The following HELZ variants were observed in gnomAD, a reference collection of about 807,000 sequenced individuals.
The protein encoded by HELZ is helicase with zinc finger, also known as ATP-dependent RNA helicase with zinc finger domain.
A neutral mutation model predicts 218.2 loss-of-function variants in HELZ; 23 were observed. That is an observed-to-expected ratio of 0.11 (90% CI 0.08 to 0.15). The LOEUF is 0.15. HELZ is among the 10% of genes least tolerant of loss of function. The pLI is 1.00. For missense variants in HELZ, 1,813 were observed against 2,353.7 expected (o/e 0.77, Z 4.75); for synonymous variants, 814 against 829.4 (o/e 0.98, Z 0.32).
intron 23 of HELZ, among the ~76,000 whole-genome samples, chr17:67,129,725 AC>A (rs2143893921): frequency 6.6e-6 from 1 of 152,298 alleles, no homozygotes; most frequent in East Asian, 1.9e-4. Flanking sequence ...GGAGAACAGT[AC>A]ATTCAAAACT....
At chr17:67,215,642 C>T (rs1598437640) in intron 5 of HELZ, 4 of 464,334 alleles carry the variant, frequency 8.6e-6, no homozygotes, top group South Asian at 4.3e-5. Context: ...CCACCACACC[C>T]GGCCTCACAC....
intron 5 of HELZ, among the ~76,000 whole-genome samples, chr17:67,211,645 G>A (rs1204878153): frequency 6.6e-5 from 10 of 152,184 alleles, no homozygotes; most frequent in Admixed American, 6.5e-4. Flanking sequence ...TGGACCACTT[G>A]AGGTCAGGAG....
intron 31 of HELZ, among the ~76,000 whole-genome samples, chr17:67,102,060 C>T (rs552954628): frequency 1.5e-3 from 236 of 152,292 alleles, no homozygotes; most frequent in Middle Eastern, 3.4e-3. Flanking sequence ...GCCAAGCAGC[C>T]AAGGGCCATG....
intron 21 of HELZ, among the ~76,000 whole-genome samples, chr17:67,145,269 C>T (rs1010584918): frequency 3.3e-4 from 50 of 152,106 alleles, no homozygotes; most frequent in African/African-American, 1.2e-3. Context: ...CTCTCTGAAC[C>T]TAAAAAGTCA....
At chr17:67,151,676 T>G (rs1330027644) in intron 17 of HELZ, among the ~76,000 whole-genome samples, 1 of 152,246 alleles carries the variant, frequency 6.6e-6, no homozygotes, top group African/African-American at 2.4e-5. Context: ...AATTCAAAGG[T>G]TATTTTCATT....
chr17:67,131,831 T>C (rs2037994416), intron 23 of HELZ, among the ~76,000 whole-genome samples: 1 of 152,164 alleles, frequency 6.6e-6, no homozygotes, highest in African/African-American at 2.4e-5. Flanking sequence ...GCTAAAATTT[T>C]TCCTTTTTTC....
intron 7 of HELZ, among the ~76,000 whole-genome samples, chr17:67,196,566 TTAGTTGGATGGA>T (rs142160362): frequency 0.087 from 13,083 of 150,208 alleles, 1,491 homozygotes; most frequent in African/African-American, 0.26. Context: ...AGATGGTTGG[TTAGTTGGATGGA>T]TGGATGGATG....
chr17:67,071,251 G>C lies in HELZ; in HGVS notation c.*7001C>G, dbSNP rs1191762587. ...ATCCAGGACCCTTCCTCTGTAAAGG[G>C]GGAGGCTGAGAAACATTCTCAGCTG... is the stretch of plus-strand genomic sequence containing the variant. On this transcript the variant is annotated 3_prime_UTR_variant, in exon 33 of 33. Coordinates refer to ENST00000358691, the MANE Select transcript of HELZ (RefSeq NM_014877.4). 6.6e-6 allele frequency: 1 copy of C among 152,574 alleles called. No individual in the cohort carries two copies. The highest frequency in any genetic ancestry group is 1.9e-4 in the East Asian group (1 of 5,190). The allele number at this position is 152,574 out of a possible 1,614,324, so 9.5% of individuals were successfully genotyped here.
chr17:67,218,425 G>A (rs1187890932), intron 4 of HELZ, among the ~76,000 whole-genome samples, 170 bp downstream of exon 4: 3 of 152,090 alleles, frequency 2.0e-5, no homozygotes, highest in African/African-American at 2.4e-5. Context: ...AAGTAGAACA[G>A]TTTTCAAGGT....
chr17:67,112,435 T>G (rs1208803837), intron 28 of HELZ, among the ~76,000 whole-genome samples: 1 of 152,178 alleles, frequency 6.6e-6, no homozygotes, highest in Admixed American at 6.5e-5. Context: ...TGCACCATCC[T>G]GACATGCCAC....
At chr17:67,121,858 C>A (rs187413217) in intron 26 of HELZ, among the ~76,000 whole-genome samples, 96 of 152,236 alleles carry the variant, frequency 6.3e-4, no homozygotes, top group Admixed American at 2.6e-3. Flanking sequence ...AATTTAGATC[C>A]AAGTGAACTA....
intron 32 of HELZ, among the ~76,000 whole-genome samples, chr17:67,084,485 A>AC (rs2036294592): frequency 6.6e-6 from 1 of 151,914 alleles, no homozygotes; most frequent in Non-Finnish European, 1.5e-5. Flanking sequence ...ACACAGTGAA[A>AC]CCCCGTCTCT....
chr17:67,235,313 T>C (rs1413377250), intron 3 of HELZ, among the ~76,000 whole-genome samples: 1 of 151,988 alleles, frequency 6.6e-6, no homozygotes, highest in African/African-American at 2.4e-5. Flanking sequence ...AAGACCAGCC[T>C]GAACAACATG....
At chr17:67,090,742 A>C (rs2036551742) in intron 31 of HELZ, among the ~76,000 whole-genome samples, 1 of 152,070 alleles carries the variant, frequency 6.6e-6, no homozygotes, top group Non-Finnish European at 1.5e-5. Context: ...CTCCTTCCTA[A>C]TATAGGTAGT....
intron 17 of HELZ, among the ~76,000 whole-genome samples, chr17:67,154,190 G>A (rs1045006050): frequency 2.6e-5 from 4 of 152,242 alleles, no homozygotes; most frequent in Non-Finnish European, 5.9e-5. Context: ...CACTTTGGAA[G>A]CCTGAAGTGG....
chr17:67,148,628 A>C lies in HELZ; in HGVS notation c.2562T>G (p.Ala854=). Residue 854 remains alanine, a synonymous_variant, in exon 20 of 33, where the codon GCT becomes GCG. Transcript: ENST00000358691. ...LLDRLYEHYP[A]EFPCRILLCE... ...ACAGGAGAATCCTACATGGGAACTC[A>C]GCAGGGTAATGCTCATAGAGTCGGT... The C allele has an allele frequency of 6.2e-7, 1 of 1,613,930 alleles. No homozygotes were observed. The highest frequency in any genetic ancestry group is 8.5e-7 in the Non-Finnish European group (1 of 1,179,826).
chr17:67,118,028 T>C (rs1238151662), intron 27 of HELZ, among the ~76,000 whole-genome samples: 5 of 152,154 alleles, frequency 3.3e-5, no homozygotes, highest in East Asian at 3.9e-4. Flanking sequence ...TTAGTAGGAA[T>C]TGACAAGCTG....
chr17:67,234,650 A>G (rs938933727), intron 3 of HELZ, among the ~76,000 whole-genome samples: 3 of 152,040 alleles, frequency 2.0e-5, no homozygotes, highest in Non-Finnish European at 4.4e-5. Flanking sequence ...CCTGGGGAAC[A>G]TAGCAAGACC....
chr17:67,082,866 T>TG (rs2036240730), intron 32 of HELZ, among the ~76,000 whole-genome samples: 1 of 149,234 alleles, frequency 6.7e-6, no homozygotes, highest in Non-Finnish European at 1.5e-5. Flanking sequence ...TTTTGTTTTT[T>TG]TTTTTTTTGA....
Sources: allele counts gnomAD v4.1 joint callset (sites outside exome capture counted in the v4.1 genomes callset), GRCh38; gene constraint gnomAD v4.1.1; transcripts MANE v1.5; gene names NCBI Gene and HGNC (gene_info 2026-07-23, HGNC 2026-07-21).